Variants in PVALEF observed in about 807,000 individuals in gnomAD.
The protein encoded by PVALEF is parvalbumin like EF-hand containing, also known as parvalbumin-like EF-hand-containing protein.
A neutral mutation model predicts 1.2 loss-of-function variants in PVALEF; 2 were observed. That is an observed-to-expected ratio of 1.68 (90% confidence interval 0.69 to 5.28). The LOEUF is 5.28. PVALEF is among the 30% of genes most tolerant of loss of function. The pLI, the probability that PVALEF is intolerant of heterozygous loss-of-function variation, is 0.06. For synonymous variants in PVALEF, 16 were observed against 6.5 expected (o/e 2.47, Z -2.24); for missense variants, 35 against 17.7 (o/e 1.97, Z -1.75).
In PVALEF at chr17:81,166,858, C is replaced by A. The variant is rs1475753229; in HGVS notation, c.-340+14C>A. The A allele has an allele frequency of 7.6e-6, 3 of 395,172 alleles. No homozygotes were observed. The highest frequency in any genetic ancestry group is 3.5e-5 in the South Asian group (2 of 57,736). The allele number at this position is 395,172 out of a possible 1,614,324, so 24.5% of individuals were successfully genotyped here. On this transcript the variant is annotated intron_variant, in intron 2 of 6. Transcript: ENST00000637878. ...GGACTGTACCAGGTGCTTAGGGCAG[C>A]AGGTTGGCCTGGGCGCTGAGGGGCC... is the stretch of plus-strand genomic sequence containing the variant.
intron 6 of PVALEF, 117 bp downstream of exon 6, chr17:81,182,198 A>G: frequency 2.5e-6 from 1 of 396,608 alleles, no homozygotes; most frequent in Non-Finnish European, 4.4e-6. Context: ...GAGGAAACCC[A>G]GGCTCAGGGG....
intron 2 of PVALEF, among the ~76,000 whole-genome samples, chr17:81,170,242 G>A (rs1357589876): frequency 2.7e-5 from 4 of 150,702 alleles, no homozygotes; most frequent in Admixed American, 6.6e-5. Flanking sequence ...TGTGTACACA[G>A]GTGTGTGTGC....
At chr17:81,166,571 G>A (rs1443469849) in intron 1 of PVALEF, 106 bp from the exon 2 acceptor site, 3 of 383,494 alleles carry the variant, frequency 7.8e-6, no homozygotes, top group Admixed American at 3.0e-5. Context: ...GCCGGGGTGG[G>A]GGAGGGGGTA....
chr17:81,167,011 A>T (rs941887730), intron 2 of PVALEF, among the ~76,000 whole-genome samples, 167 bp downstream of exon 2: 28 of 152,140 alleles, frequency 1.8e-4, no homozygotes, highest in African/African-American at 6.8e-4. Flanking sequence ...GTTCAGTGGA[A>T]GCTGGTCCCA....
rs554545992 is a variant in PVALEF at position 81,166,705 on chromosome 17, C to CG, written c.-479_-478insG. ...TCGAGGCGGCTGGCAGCCGCCCCCC[C>CG]ACCCCATGCCCTTTGGGTGGCACCT... On this transcript the variant is annotated 5_prime_UTR_variant, in exon 2 of 7. It introduces an in-frame stop codon into an upstream open reading frame of the 5' UTR. Transcript: ENST00000637878. 329 of 454,876 alleles carry CG rather than the reference C, an allele frequency of 7.2e-4. No homozygotes were observed. The highest frequency in any genetic ancestry group is 4.2e-3 in the South Asian group (274 of 64,486). 28.2% of individuals were successfully genotyped at this position (454,876 alleles called of 1,614,324 possible). A position where few individuals can be genotyped will look rare whatever the true frequency, so the allele number is the denominator to read the frequency against.
chr17:81,168,648 A>C (rs913066009), intron 2 of PVALEF, among the ~76,000 whole-genome samples: 19 of 152,190 alleles, frequency 1.2e-4, no homozygotes, highest in African/African-American at 4.6e-4. Context: ...GGGACTCTCT[A>C]GAGCCCAGAA....
At chr17:81,171,226 C>A (rs1024789226) in intron 2 of PVALEF, among the ~76,000 whole-genome samples, 1 of 152,176 alleles carries the variant, frequency 6.6e-6, no homozygotes, top group Admixed American at 6.5e-5. Context: ...CCAGGAGGGG[C>A]GGCTCTGAAC....
chr17:81,165,522 TG>T lies in PVALEF; in HGVS notation c.-730del. 1 of 750,758 alleles carries T rather than the reference TG, an allele frequency of 1.3e-6. No individual in the cohort carries two copies. The highest frequency in any genetic ancestry group is 2.0e-6 in the Non-Finnish European group (1 of 510,162). 46.5% of individuals were successfully genotyped at this position (750,758 alleles called of 1,614,324 possible). A position where few individuals can be genotyped will look rare whatever the true frequency, so the allele number is the denominator to read the frequency against. On this transcript the variant is annotated 5_prime_UTR_variant, in exon 1 of 7. Coordinates refer to ENST00000637878, the MANE Select transcript of PVALEF (RefSeq NM_001354639.2). ...AGGGCTCTGAGAATCGCTCCCAGCC[TG>T]GGAAGAAGCCTCCCACGCCAGGGCC... is the stretch of plus-strand genomic sequence containing the variant.
At chr17:81,168,399 C>T (rs891604556) in intron 2 of PVALEF, among the ~76,000 whole-genome samples, 1 of 152,182 alleles carries the variant, frequency 6.6e-6, no homozygotes, top group African/African-American at 2.4e-5. Flanking sequence ...TCCAAGCCAG[C>T]ACTCCCACCC....
intron 2 of PVALEF, among the ~76,000 whole-genome samples, chr17:81,169,652 C>T (rs542087225): frequency 1.1e-4 from 17 of 152,098 alleles, no homozygotes; most frequent in Non-Finnish European, 2.2e-4. Context: ...CTGCCTCTTC[C>T]GGCTACTGGT....
chr17:81,166,574 A>AG, intron 1 of PVALEF, 103 bp from the exon 2 acceptor site: 1 of 148,464 alleles, frequency 6.7e-6, no homozygotes, highest in Non-Finnish European at 1.4e-5. Flanking sequence ...GGGGTGGGGG[A>AG]GGGGGTACTC....
intron 2 of PVALEF, among the ~76,000 whole-genome samples, chr17:81,171,253 G>A (rs1393170602): frequency 6.6e-6 from 1 of 152,196 alleles, no homozygotes; most frequent in African/African-American, 2.4e-5. Flanking sequence ...GAAGCCGAAA[G>A]GGCCGCCCAG....
rs9898597 is a variant in PVALEF, at chr17:81,166,952, C to T, written c.-340+108C>T. Reference sequence around the variant, plus strand: ...AAAGTGCCACCTTGCAGGGTTGGGGCGGGGCAGGGTCCCCCCAGCCTGCCC... The same window carrying T: ...AAAGTGCCACCTTGCAGGGTTGGGGTGGGGCAGGGTCCCCCCAGCCTGCCC... On this transcript the variant is annotated intron_variant, in intron 2 of 6. Transcript: ENST00000637878. 2,989 of 317,086 alleles carry T rather than the reference C, an allele frequency of 9.4e-3. 86 individuals carry two copies. Among genetic ancestry groups the T allele is most frequent in the African/African-American group, 0.062 (2,802 of 44,998 alleles). 19.6% of individuals were successfully genotyped at this position (317,086 alleles called of 1,614,324 possible). A position where few individuals can be genotyped will look rare whatever the true frequency, so the allele number is the denominator to read the frequency against.
chr17:81,181,915 G>A (rs1323761098), intron 5 of PVALEF, 51 bp from the exon 6 acceptor site: 2 of 398,334 alleles, frequency 5.0e-6, no homozygotes, highest in Non-Finnish European at 8.9e-6. Context: ...GTGAGTCACT[G>A]GGCACTGGCC....
intron 1 of PVALEF, 53 bp downstream of exon 1, chr17:81,165,800 G>A: frequency 1.3e-6 from 2 of 1,500,886 alleles, no homozygotes; most frequent in South Asian, 2.5e-5. Context: ...CCGCCAGGGG[G>A]TCCGGCTGCT....
chr17:81,165,830 C>T, intron 1 of PVALEF, 83 bp downstream of exon 1: 1 of 1,509,300 alleles, frequency 6.6e-7, no homozygotes, highest in Non-Finnish European at 8.9e-7. Flanking sequence ...GGGCTCGGGG[C>T]GGGGAAAGGG....
In PVALEF at chr17:81,173,379, G is replaced by T. The variant is rs71373063; in HGVS notation, c.-339-5539G>T. ...CAACCTGCATGTCCTGGGAGACGCT[G>T]CCAGGCCCAGTGGGCCACCTCCATG... On this transcript the variant is annotated intron_variant, in intron 2 of 6. Coordinates refer to ENST00000637878, the MANE Select transcript of PVALEF (RefSeq NM_001354639.2). Among the ~76,000 whole-genome samples the T allele has an allele frequency of 8.8e-3, 1,345 of 152,260 alleles. 11 individuals are homozygous for T. The highest frequency in any genetic ancestry group is 0.02 in the Middle Eastern group (6 of 294).
At chr17:81,179,519 C>T (rs891204366) in intron 3 of PVALEF, among the ~76,000 whole-genome samples, 1 of 152,172 alleles carries the variant, frequency 6.6e-6, no homozygotes, top group Non-Finnish European at 1.5e-5. Flanking sequence ...CCTAGGCCCC[C>T]AGGCTCTAAG....
chr17:81,172,457 C>T (rs1240827825), intron 2 of PVALEF, among the ~76,000 whole-genome samples: 1 of 152,192 alleles, frequency 6.6e-6, no homozygotes, highest in South Asian at 2.1e-4. Context: ...GAAGCTTCTC[C>T]TGGTCCAGCA....
Sources: gnomAD v4.1 joint callset for allele counts (sites outside exome capture counted in the v4.1 genomes callset) on GRCh38, gnomAD v4.1.1 for gene constraint, MANE v1.5 for transcripts, NCBI Gene and HGNC (gene_info 2026-07-23, HGNC 2026-07-21) for gene names.